The following NRXN1 variants were observed in gnomAD, a reference collection of about 807,000 sequenced individuals.
NRXN1 encodes neurexin-1.
NRXN1 carries 39 observed loss-of-function variants against 150.9 expected under a neutral mutation model. That is an observed-to-expected ratio of 0.26 (90% CI 0.20 to 0.34). The LOEUF (loss-of-function observed/expected upper bound fraction) is 0.34. Ranked by LOEUF, NRXN1 falls within the 10% of genes least tolerant of loss-of-function variation. NRXN1 has a pLI of 1.00. For missense variants in NRXN1, 1,815 were observed against 1,949.9 expected (o/e 0.93, Z 1.30); for synonymous variants, 924 against 757.0 (o/e 1.22, Z -3.62).
intron 5 of NRXN1, among the ~76,000 whole-genome samples, chr2:50,745,872 T>C (rs1699963060): frequency 6.6e-6 from 1 of 152,078 alleles, no homozygotes; most frequent in Admixed American, 6.6e-5. Context: ...GTGGGGATTA[T>C]GGGAACTACA....
At chr2:50,486,285 G>A (rs1333628025) in intron 15 of NRXN1, among the ~76,000 whole-genome samples, 2 of 152,118 alleles carry the variant, frequency 1.3e-5, no homozygotes, top group African/African-American at 2.4e-5. Flanking sequence ...TGACAATAAC[G>A]AAGGTAATTT....
At chr2:50,936,207 C>G (rs1329875315) in intron 2 of NRXN1, among the ~76,000 whole-genome samples, 1 of 152,184 alleles carries the variant, frequency 6.6e-6, no homozygotes, top group East Asian at 1.9e-4. Flanking sequence ...GCACCATGCT[C>G]TAACCAACTG....
intron 21 of NRXN1, among the ~76,000 whole-genome samples, chr2:50,000,876 C>T (rs1462824428): frequency 5.9e-5 from 9 of 152,104 alleles, no homozygotes; most frequent in Admixed American, 5.2e-4. Flanking sequence ...GTGCAGACAG[C>T]TATAAAATGA....
At chr2:49,929,750 T>G (rs563440734) in intron 22 of NRXN1, among the ~76,000 whole-genome samples, 26 of 152,268 alleles carry the variant, frequency 1.7e-4, no homozygotes, top group Admixed American at 4.6e-4. Context: ...AATCCCCTCC[T>G]TCTATCAACG....
chr2:50,587,050 T>C (rs565386634), intron 8 of NRXN1, among the ~76,000 whole-genome samples: 2 of 104,578 alleles, frequency 1.9e-5, no homozygotes, highest in East Asian at 5.4e-4. Flanking sequence ...TGAGTTCCAA[T>C]GCAATCTTGT....
chr2:50,396,494 A>C (rs4450643), intron 17 of NRXN1, among the ~76,000 whole-genome samples: 40,364 of 152,058 alleles, frequency 0.27, 6,104 homozygotes, highest in African/African-American at 0.4. Flanking sequence ...CTTGAATTTT[A>C]CTAGGTAGTG....
intron 17 of NRXN1, among the ~76,000 whole-genome samples, chr2:50,266,563 AC>A (rs1429092480): frequency 4.6e-4 from 24 of 52,696 alleles, no homozygotes; most frequent in Middle Eastern, 0.011. Flanking sequence ...ACACACACAC[AC>A]ACACACACAT....
At chr2:50,929,185 T>C (rs7593037) in intron 2 of NRXN1, among the ~76,000 whole-genome samples, 87 of 152,090 alleles carry the variant, frequency 5.7e-4, no homozygotes, top group African/African-American at 2.1e-3. Flanking sequence ...CTTTAGTTTA[T>C]CATTCCAGTG....
chr2:50,227,246 A>C (rs1039875875), intron 18 of NRXN1, among the ~76,000 whole-genome samples: 1 of 151,946 alleles, frequency 6.6e-6, no homozygotes, highest in African/African-American at 2.4e-5. Context: ...GGAGAAGTAA[A>C]TTACTAAGTG....
At position 50,555,292 on chromosome 2, in the gene NRXN1, G is replaced by A. The variant is rs564409380; in HGVS notation, c.1321-2267C>T. Among the ~76,000 whole-genome samples the A allele has an allele frequency of 7.9e-5, 12 of 152,214 alleles. No homozygotes were observed. In the East Asian group the frequency reaches 2.3e-3, roughly 29 times the overall value. ...TTGAGTGTTTCTGACATGAACAAGT[G>A]GGTTTTAGCCCTGGTATATTGTCTC... On this transcript the variant is annotated intron_variant, in intron 8 of 22. Transcript: ENST00000401669.
chr2:50,895,588 T>G (rs1232273289), intron 5 of NRXN1, among the ~76,000 whole-genome samples: 3 of 146,976 alleles, frequency 2.0e-5, no homozygotes, highest in Non-Finnish European at 4.5e-5. Flanking sequence ...TTTGTTTGTC[T>G]TTTTTTTTTG....
At chr2:50,632,814 G>A (rs543322478) in intron 5 of NRXN1, 1 of 152,132 alleles carries the variant, frequency 6.6e-6, no homozygotes, top group Non-Finnish European at 1.5e-5. Context: ...GCCCGGGGCT[G>A]GGTGGCGGGC....
chr2:49,955,577 G>C (rs1674776267), intron 21 of NRXN1, among the ~76,000 whole-genome samples: 1 of 150,726 alleles, frequency 6.6e-6, no homozygotes, highest in African/African-American at 2.4e-5. Context: ...TCTGTGGAAG[G>C]GACTGAGAAA....
At chr2:50,147,165 T>C (rs1386345086) in intron 18 of NRXN1, among the ~76,000 whole-genome samples, 2 of 151,730 alleles carry the variant, frequency 1.3e-5, no homozygotes, top group Non-Finnish European at 3.0e-5. Flanking sequence ...CAGCAAGCAT[T>C]GCAGTTATGC....
chr2:50,571,185 T>G (rs778346194), intron 8 of NRXN1, among the ~76,000 whole-genome samples: 1 of 152,146 alleles, frequency 6.6e-6, no homozygotes, highest in South Asian at 2.1e-4. Flanking sequence ...TTAAAATTAA[T>G]GCAATATAAA....
intron 8 of NRXN1, among the ~76,000 whole-genome samples, chr2:50,614,184 A>G (rs1678655588): frequency 6.6e-6 from 1 of 152,136 alleles, no homozygotes; most frequent in Non-Finnish European, 1.5e-5. Context: ...CAGGGACCTC[A>G]ACAAGGAAAA....
At chr2:50,650,472 A>G (rs548750284) in intron 5 of NRXN1, among the ~76,000 whole-genome samples, 1 of 152,180 alleles carries the variant, frequency 6.6e-6, no homozygotes, top group East Asian at 1.9e-4. Context: ...CTTCCAAACA[A>G]TTAATGCGAC....
intron 5 of NRXN1, among the ~76,000 whole-genome samples, chr2:50,888,655 A>G (rs1680619796): frequency 6.6e-6 from 1 of 151,640 alleles, no homozygotes; most frequent in Non-Finnish European, 1.5e-5. Flanking sequence ...AAAAAAGTAT[A>G]ATGTTGCTTG....
chr2:50,716,630 A>G (rs542834754), intron 5 of NRXN1, among the ~76,000 whole-genome samples: 2 of 152,308 alleles, frequency 1.3e-5, no homozygotes, highest in African/African-American at 4.8e-5. Flanking sequence ...TACCTAAATT[A>G]TCATATCTAC....
Sources: allele counts gnomAD v4.1 joint callset (sites outside exome capture counted in the v4.1 genomes callset), GRCh38; gene constraint gnomAD v4.1.1; transcripts MANE v1.5; gene names NCBI Gene and HGNC (gene_info 2026-07-23, HGNC 2026-07-21).